Variants in ATG5 observed in about 807,000 individuals in gnomAD.
ATG5 encodes autophagy protein 5.
Under a neutral mutation model 36.5 loss-of-function variants are expected in ATG5, and 14 were observed. That is an observed-to-expected ratio of 0.38 (90% CI 0.25 to 0.60). ATG5 has a LOEUF of 0.60. Ranked by LOEUF, ATG5 falls within the 20% of genes least tolerant of loss-of-function variation. ATG5 has a pLI of 0.60. For synonymous variants in ATG5, 95 were observed against 101.5 expected (o/e 0.94, Z 0.38); for missense variants, 195 against 326.7 (o/e 0.60, Z 3.11).
chr6:106,196,950 C>T (rs1776218347), intron 7 of ATG5, among the ~76,000 whole-genome samples: 1 of 151,788 alleles, frequency 6.6e-6, no homozygotes, highest in African/African-American at 2.4e-5. Flanking sequence ...GATTAAAAAG[C>T]AACTGTTAAC....
intron 6 of ATG5, among the ~76,000 whole-genome samples, chr6:106,237,691 G>A (rs1777954145): frequency 6.6e-6 from 1 of 152,152 alleles, no homozygotes; most frequent in South Asian, 2.1e-4. Flanking sequence ...AACAATTATT[G>A]CCTAATTGAA....
At chr6:106,286,927 C>G (rs1295046240) in intron 4 of ATG5, among the ~76,000 whole-genome samples, 1 of 152,140 alleles carries the variant, frequency 6.6e-6, no homozygotes, top group Non-Finnish European at 1.5e-5. Context: ...CAGCCAACAC[C>G]CTGATGGCAC....
intron 4 of ATG5, among the ~76,000 whole-genome samples, chr6:106,287,420 A>G (rs1212341434): frequency 1.3e-5 from 2 of 152,206 alleles, no homozygotes; most frequent in African/African-American, 4.8e-5. Flanking sequence ...CAAAAACCTA[A>G]CTTGTGTTAT....
At chr6:106,325,320 CA>C (rs1377736427) in intron 1 of ATG5, 5 of 152,320 alleles carry the variant, frequency 3.3e-5, no homozygotes, top group Non-Finnish European at 5.9e-5. Flanking sequence ...CCCCGCAGGC[CA>C]CACCCGCCAA....
intron 7 of ATG5, among the ~76,000 whole-genome samples, chr6:106,195,660 T>C (rs970072200): frequency 2.0e-5 from 3 of 151,820 alleles, no homozygotes; most frequent in African/African-American, 4.8e-5. Context: ...TTCAATGAAG[T>C]GTGTGTTCTG....
chr6:106,235,931 T>G (rs1290015558), intron 6 of ATG5, among the ~76,000 whole-genome samples: 1 of 152,240 alleles, frequency 6.6e-6, no homozygotes, highest in Non-Finnish European at 1.5e-5. Context: ...AACAAGATAT[T>G]GGGCATTTCC....
intron 3 of ATG5, among the ~76,000 whole-genome samples, chr6:106,294,748 C>T (rs536860008): frequency 1.3e-5 from 2 of 149,386 alleles, no homozygotes; most frequent in South Asian, 2.1e-4. Context: ...GAGGCTGAGG[C>T]GGGAGACTCT....
chr6:106,284,037 G>T (rs953986609), intron 4 of ATG5, among the ~76,000 whole-genome samples: 15 of 152,120 alleles, frequency 9.9e-5, no homozygotes, highest in African/African-American at 3.6e-4. Context: ...ATACTCCATT[G>T]TAAGGATACA....
chr6:106,282,472 A>C (rs1779919395), intron 4 of ATG5, among the ~76,000 whole-genome samples: 1 of 152,176 alleles, frequency 6.6e-6, no homozygotes, highest in South Asian at 2.1e-4. Flanking sequence ...CCTTTCCTCC[A>C]AAAGTCCTGT....
chr6:106,202,211 A>G (rs913529469), intron 6 of ATG5, 122 bp from the exon 7 acceptor site: 2 of 639,548 alleles, frequency 3.1e-6, no homozygotes, highest in African/African-American at 3.6e-5. Flanking sequence ...TAGCATAATT[A>G]CACAACATCA....
intron 5 of ATG5, among the ~76,000 whole-genome samples, chr6:106,266,935 C>T (rs1031551675): frequency 6.6e-6 from 1 of 152,132 alleles, no homozygotes; most frequent in African/African-American, 2.4e-5. Flanking sequence ...CCTTTGAAAA[C>T]GGCCACAAGA....
chr6:106,204,625 T>G (rs1352598285), intron 6 of ATG5, among the ~76,000 whole-genome samples: 1 of 152,086 alleles, frequency 6.6e-6, no homozygotes, highest in East Asian at 1.9e-4. Flanking sequence ...CTCATGTTGT[T>G]CTCGTGATAC....
chr6:106,314,035 A>G (rs1770751514), intron 2 of ATG5, among the ~76,000 whole-genome samples: 2 of 152,214 alleles, frequency 1.3e-5, no homozygotes, highest in African/African-American at 4.8e-5. Flanking sequence ...ATTAGGAAGA[A>G]TTCAAGAAAA....
At chr6:106,208,115 C>T (rs1163412300) in intron 6 of ATG5, among the ~76,000 whole-genome samples, 1 of 152,072 alleles carries the variant, frequency 6.6e-6, no homozygotes, top group African/African-American at 2.4e-5. Flanking sequence ...AGATTCAAGT[C>T]CTGTTTCTGT....
chr6:106,251,492 C>G (rs1261178484), intron 5 of ATG5, among the ~76,000 whole-genome samples: 1 of 147,112 alleles, frequency 6.8e-6, no homozygotes, highest in East Asian at 2.0e-4. Flanking sequence ...CTGATTAGGC[C>G]CAAATACAAC....
intron 6 of ATG5, among the ~76,000 whole-genome samples, chr6:106,241,686 G>A (rs1778129004): frequency 6.6e-6 from 1 of 152,036 alleles, no homozygotes; most frequent in Non-Finnish European, 1.5e-5. Flanking sequence ...AATGTAGGTG[G>A]GCCTCATCTA....
intron 4 of ATG5, among the ~76,000 whole-genome samples, chr6:106,287,505 C>T (rs532771901): frequency 1.2e-4 from 18 of 152,276 alleles, no homozygotes; most frequent in Admixed American, 1.2e-3. Context: ...CAAATGTGAG[C>T]TCTTACCCTT....
chr6:106,224,420 T>G (rs1408781677), intron 6 of ATG5, among the ~76,000 whole-genome samples: 2 of 152,086 alleles, frequency 1.3e-5, no homozygotes, highest in Non-Finnish European at 2.9e-5. Flanking sequence ...TCAACAAAAG[T>G]GATCAAAAGA....
intron 2 of ATG5, among the ~76,000 whole-genome samples, chr6:106,315,815 G>A (rs184363036): frequency 0.013 from 2,036 of 152,036 alleles, 36 homozygotes; most frequent in Non-Finnish European, 0.013. Flanking sequence ...AGAAAGTCAA[G>A]AAGGCACCAT....
Sources: gnomAD v4.1 joint callset for allele counts (sites outside exome capture counted in the v4.1 genomes callset) on GRCh38, gnomAD v4.1.1 for gene constraint, MANE v1.5 for transcripts, NCBI Gene and HGNC (gene_info 2026-07-23, HGNC 2026-07-21) for gene names.